Variants in MEGF11 observed in about 807,000 individuals in gnomAD.
The protein encoded by MEGF11 is multiple epidermal growth factor-like domains protein 11.
Under a neutral mutation model 146.6 loss-of-function variants are expected in MEGF11, and 126 were observed. The observed-to-expected ratio is 0.86, with a 90% CI of 0.74 to 1.00. The LOEUF (loss-of-function observed/expected upper bound fraction) is 1.00, where lower values mean the gene tolerates loss of function less well. MEGF11 is among the 50% of genes least tolerant of loss of function. MEGF11 has a pLI of 0.00. For synonymous variants in MEGF11, 532 were observed against 583.4 expected, an observed-to-expected ratio of 0.91 and a Z score of 1.27; for missense variants, 1,509 against 1,521.2, an observed-to-expected ratio of 0.99 and a Z score of 0.13.
chr15:66,232,447 A>G (rs544545758), intron 1 of MEGF11, among the ~76,000 whole-genome samples: 134 of 152,290 alleles, frequency 8.8e-4, no homozygotes, highest in Middle Eastern at 3.4e-3. Context: ...GGAGCTCTGG[A>G]CAGCCTTGTG....
intron 15 of MEGF11, chr15:65,922,090 G>GT (rs1185143452): frequency 2.6e-5 from 14 of 547,910 alleles, no homozygotes; most frequent in Non-Finnish European, 4.3e-5. Flanking sequence ...ATCAGAATTT[G>GT]TTTCTGCCAC....
rs201230865 is a variant in MEGF11, at chr15:65,982,499, C to T, written c.395-11G>A. On this transcript the variant is annotated splice_polypyrimidine_tract_variant and intron_variant, in intron 5 of 25. Transcript: ENST00000395614. This position sits in a 1 kb window ranked among gnomAD's most constrained non-coding sequence, Gnocchi z 5.6. Reference sequence around the variant, plus strand: ...GGTCGCTGTCGCAGCCTGCAAGAGACGGGACAGTCAGGGATCAGGAGCCCC... The same window carrying T: ...GGTCGCTGTCGCAGCCTGCAAGAGATGGGACAGTCAGGGATCAGGAGCCCC... 51 of 1,470,174 alleles carry T rather than the reference C, an allele frequency of 3.5e-5. No homozygotes were observed. The African/African-American group carries it at 5.6e-4, about 16-fold the overall frequency. The allele number at this position is 1,470,174 out of a possible 1,614,324, so 91.1% of individuals were successfully genotyped here. A position where few individuals can be genotyped will look rare whatever the true frequency, so the allele number is the denominator to read the frequency against.
chr15:65,982,230 C>G lies in MEGF11; in HGVS notation c.641+12G>C, dbSNP rs1053065397. ...CAGGTCCCGCCCCTCCAGGTCCTGC[C>G]GCATGACTCACTAGACGCCGGTGTA... On this transcript the variant is annotated intron_variant, in intron 6 of 25. Coordinates refer to ENST00000395614, the MANE Select transcript of MEGF11 (RefSeq NM_001385028.1). This position sits in a 1 kb window ranked among gnomAD's most constrained non-coding sequence, Gnocchi z 5.6. The G allele has an allele frequency of 6.5e-7, 1 of 1,540,256 alleles. No homozygotes were observed. Among genetic ancestry groups the G allele is most frequent in the Non-Finnish European group, 8.7e-7 (1 of 1,145,414 alleles).
intron 1 of MEGF11, among the ~76,000 whole-genome samples, chr15:66,153,617 A>C (rs2089648182): frequency 6.6e-6 from 1 of 152,064 alleles, no homozygotes; most frequent in Non-Finnish European, 1.5e-5. Context: ...AGCAGATCTG[A>C]CTCATGATGT....
intron 1 of MEGF11, among the ~76,000 whole-genome samples, chr15:66,218,986 A>AAAAAAAAAAAAAAAAC (rs1567288176): frequency 2.0e-5 from 3 of 151,098 alleles, no homozygotes; most frequent in Non-Finnish European, 2.9e-5. Flanking sequence ...AGGCAAAAAA[A>AAAAAAAAAAAAAAAAC]AAAAAAAAAA....
rs2078992347 is a variant in MEGF11, at chr15:65,916,201, A to C, written c.2291T>G (p.Ile764Ser). The stretch of plus-strand genomic sequence containing the variant: ...TGTGCGGCAGGTGCACTTGCCACTG[A>C]TGTGGTCACAGCTGGCGCCATTCTG... ...QCQNGASCDHISGKCTCRTGF... is the reference protein window; with the variant it reads ...QCQNGASCDHSSGKCTCRTGF... The change falls in exon 18 of 26, where the codon ATC becomes AGC. Residue 764 changes from isoleucine (I) to serine (S), a missense_variant. Transcript: ENST00000395614. The C allele has an allele frequency of 6.3e-7, 1 of 1,579,776 alleles. No individual in the cohort carries two copies. The highest frequency in any genetic ancestry group is 2.3e-5 in the East Asian group (1 of 43,098).
At chr15:66,150,835 A>ATT (rs2089544089) in intron 1 of MEGF11, among the ~76,000 whole-genome samples, 1 of 107,556 alleles carries the variant, frequency 9.3e-6, no homozygotes, top group South Asian at 3.0e-4. Flanking sequence ...AGAGAGAGAG[A>ATT]GAGAGAGAGA....
intron 5 of MEGF11, among the ~76,000 whole-genome samples, chr15:66,079,071 C>T (rs1223200872): frequency 6.6e-6 from 1 of 152,190 alleles, no homozygotes; most frequent in African/African-American, 2.4e-5. Context: ...GGCCCCAAAT[C>T]TTCCCTGGTC....
chr15:66,094,502 G>T lies in MEGF11; in HGVS notation c.302-8C>A. The T allele has an allele frequency of 6.4e-7, 1 of 1,555,892 alleles. No homozygotes were observed. Among genetic ancestry groups the T allele is most frequent in the Non-Finnish European group, 8.7e-7 (1 of 1,148,866 alleles). On this transcript the variant is annotated splice_polypyrimidine_tract_variant and splice_region_variant and intron_variant, in intron 4 of 25. Transcript: ENST00000395614. ...ACTCCTCCGTACACAGGGCTGAGGGGACATGGGGAGAGGGAGGAAGAACCA... is the reference window on the plus strand; with the variant it reads ...ACTCCTCCGTACACAGGGCTGAGGGTACATGGGGAGAGGGAGGAAGAACCA...
intron 1 of MEGF11, among the ~76,000 whole-genome samples, chr15:66,154,255 A>C (rs1395417255): frequency 1.3e-5 from 2 of 151,756 alleles, no homozygotes; most frequent in Non-Finnish European, 2.9e-5. Flanking sequence ...CAGTAGTTTA[A>C]CACCTGAACT....
chr15:66,202,312 C>G (rs1226413982), intron 1 of MEGF11, among the ~76,000 whole-genome samples: 1 of 152,226 alleles, frequency 6.6e-6, no homozygotes, highest in Non-Finnish European at 1.5e-5. Flanking sequence ...GCTTGGCAGC[C>G]CATTTGAACC....
intron 5 of MEGF11, among the ~76,000 whole-genome samples, chr15:66,048,840 G>A (rs1479478250): frequency 3.3e-5 from 5 of 152,150 alleles, no homozygotes; most frequent in Non-Finnish European, 7.3e-5. Flanking sequence ...AGAAATTTCT[G>A]GGGCCCTCTG....
chr15:65,924,057 GAGAA>G, intron 13 of MEGF11, among the ~76,000 whole-genome samples: 1 of 152,274 alleles, frequency 6.6e-6, no homozygotes, highest in African/African-American at 2.4e-5. Context: ...TTGTGGGAAA[GAGAA>G]AGAAAGGAGA....
At chr15:65,915,417 G>A in intron 19 of MEGF11, 53 bp downstream of exon 19, 1 of 1,597,484 alleles carries the variant, frequency 6.3e-7, no homozygotes, top group Non-Finnish European at 8.5e-7. Context: ...TCTCCCTAGA[G>A]CTGCCATGGG....
At chr15:66,136,656 A>T (rs950080545) in intron 1 of MEGF11, among the ~76,000 whole-genome samples, 1 of 152,194 alleles carries the variant, frequency 6.6e-6, no homozygotes, top group African/African-American at 2.4e-5. Context: ...CCAGCATTCC[A>T]TTTCTGCAAT....
chr15:65,927,603 C>T (rs1210814062), intron 13 of MEGF11, among the ~76,000 whole-genome samples: 6 of 152,102 alleles, frequency 3.9e-5, no homozygotes, highest in Non-Finnish European at 8.8e-5. Context: ...AGTGCCTTCC[C>T]AGAGGAAGAA....
At chr15:66,248,000 T>A (rs992436837) in intron 1 of MEGF11, among the ~76,000 whole-genome samples, 4 of 146,960 alleles carry the variant, frequency 2.7e-5, no homozygotes, top group Non-Finnish European at 4.5e-5. Flanking sequence ...AAAAAAAAAA[T>A]TGTTCTAGGT....
At chr15:65,955,818 C>A (rs1471671405) in intron 10 of MEGF11, among the ~76,000 whole-genome samples, 4 of 1,710 alleles carry the variant, frequency 2.3e-3, no homozygotes, top group Non-Finnish European at 0.023. Flanking sequence ...ACACACAATA[C>A]TTTAAATATA....
chr15:66,186,582 G>A (rs1183026099), intron 1 of MEGF11, among the ~76,000 whole-genome samples: 6 of 152,136 alleles, frequency 3.9e-5, no homozygotes, highest in Admixed American at 3.9e-4. Context: ...TCTAGCTATG[G>A]GAGCACTCCC....
Sources: gnomAD v4.1 joint callset for allele counts (sites outside exome capture counted in the v4.1 genomes callset) on GRCh38, gnomAD v4.1.1 for gene constraint, Gnocchi (gnomAD v3.1) non-coding constraint, MANE v1.5 for transcripts, NCBI Gene and HGNC (gene_info 2026-07-23, HGNC 2026-07-21) for gene names.